Variants in RTL4 observed in about 807,000 individuals in gnomAD.
RTL4 encodes retrotransposon Gag like 4, also known as retrotransposon Gag-like protein 4.
Under a neutral mutation model 5.3 loss-of-function variants are expected in RTL4, and 4 were observed. The observed-to-expected ratio is 0.75, with a 90% CI of 0.37 to 1.72. The LOEUF (loss-of-function observed/expected upper bound fraction) is 1.72. Ranked by LOEUF, RTL4 falls within the 40% of genes most tolerant of loss-of-function variation. The pLI, the probability that RTL4 is intolerant of heterozygous loss-of-function variation, is 0.04. For synonymous variants in RTL4, 98 were observed against 87.3 expected, an observed-to-expected ratio of 1.12 and a Z score of -0.68; for missense variants, 260 against 227.1, an observed-to-expected ratio of 1.14 and a Z score of -0.93.
the RTL4 span, among the ~76,000 whole-genome samples, chrX:112,376,187 T>C: frequency 9.0e-6 from 1 of 111,709 alleles, no homozygotes; most frequent in African/African-American, 3.3e-5. Flanking sequence ...CCAAATCCAG[T>C]AGTGCTAAGG....
At chrX:112,122,267 C>T in the RTL4 span, among the ~76,000 whole-genome samples, 1 of 111,586 alleles carries the variant, frequency 9.0e-6, no homozygotes, top group Non-Finnish European at 1.9e-5. Context: ...TAATGAGATC[C>T]TGTTATTTGC....
At chrX:112,099,372 T>G in the RTL4 span, among the ~76,000 whole-genome samples, 2 of 111,373 alleles carry the variant, frequency 1.8e-5, no homozygotes, top group Non-Finnish European at 3.8e-5. Flanking sequence ...AATGACTAAT[T>G]TCTAACTCAG....
chrX:112,419,575 G>GTATATATATATATATC, the RTL4 span, among the ~76,000 whole-genome samples: 1 of 46,274 alleles, frequency 2.2e-5, no homozygotes, highest in African/African-American at 9.9e-5. Context: ...GGCCAAGGTA[G>GTATATATATATATATC]TATATATATA....
At chrX:112,116,647 G>C in the RTL4 span, among the ~76,000 whole-genome samples, 1 of 111,180 alleles carries the variant, frequency 9.0e-6, no homozygotes, top group East Asian at 2.8e-4. Flanking sequence ...GCTAGCTACA[G>C]AGCACTGATT....
upstream of RTL4, among the ~76,000 whole-genome samples, chrX:112,449,932 G>T (rs7474334): frequency 9.0e-6 from 1 of 111,421 alleles, no homozygotes; most frequent in Admixed American, 9.5e-5. Context: ...CCACACTGAG[G>T]TCTCCAGACA....
chrX:112,441,508 CAAAT>C, the RTL4 span, among the ~76,000 whole-genome samples: 16 of 111,767 alleles, frequency 1.4e-4, no homozygotes, highest in African/African-American at 5.2e-4. Flanking sequence ...ACAACACACA[CAAAT>C]AAATTTTAAA....
the RTL4 span, among the ~76,000 whole-genome samples, chrX:112,345,727 C>A: frequency 1.8e-5 from 2 of 111,164 alleles, no homozygotes; most frequent in Admixed American, 9.6e-5. Context: ...CAGCATCATC[C>A]TTATGACTTA....
At chrX:112,357,206 C>A in the RTL4 span, among the ~76,000 whole-genome samples, 1 of 109,991 alleles carries the variant, frequency 9.1e-6, no homozygotes, top group Non-Finnish European at 1.9e-5. Context: ...ACTTTCAGTA[C>A]CTCTAATCTT....
At chrX:112,144,078 A>C in the RTL4 span, among the ~76,000 whole-genome samples, 62 of 111,978 alleles carry the variant, frequency 5.5e-4, no homozygotes, top group African/African-American at 1.7e-3. Flanking sequence ...TTAATCTTAA[A>C]TATTTCCAGG....
the RTL4 span, among the ~76,000 whole-genome samples, chrX:112,192,197 T>C: frequency 9.2e-6 from 1 of 108,714 alleles, no homozygotes; most frequent in African/African-American, 3.3e-5. Context: ...GATTATGTCA[T>C]CTTTAAGTAG....
chrX:112,142,430 A>G, the RTL4 span, among the ~76,000 whole-genome samples: 1 of 112,233 alleles, frequency 8.9e-6, no homozygotes, highest in African/African-American at 3.2e-5. Flanking sequence ...GAAGGATTTA[A>G]TGGGTTGATT....
the RTL4 span, among the ~76,000 whole-genome samples, chrX:112,281,305 G>A: frequency 1.8e-5 from 2 of 111,457 alleles, no homozygotes; most frequent in Non-Finnish European, 3.8e-5. Flanking sequence ...CTATGTTTTC[G>A]CAAATGACAG....
chrX:112,185,376 A>ATATATATAT, the RTL4 span, among the ~76,000 whole-genome samples: 16 of 85,308 alleles, frequency 1.9e-4, no homozygotes, highest in Non-Finnish European at 2.5e-4. Context: ...CTATTTTATT[A>ATATATATAT]ATATATATAT....
the RTL4 span, among the ~76,000 whole-genome samples, chrX:112,294,324 C>T: frequency 3.9e-3 from 436 of 111,162 alleles, no homozygotes; most frequent in African/African-American, 0.014. Flanking sequence ...AGGCCAGGCG[C>T]GGTGGCTCAC....
At chrX:112,288,977 A>G in the RTL4 span, among the ~76,000 whole-genome samples, 1 of 111,836 alleles carries the variant, frequency 8.9e-6, no homozygotes, top group African/African-American at 3.2e-5. Flanking sequence ...TATCCCTGGT[A>G]CCTATAAAGG....
chrX:112,293,988 A>G, the RTL4 span, among the ~76,000 whole-genome samples: 1 of 112,119 alleles, frequency 8.9e-6, no homozygotes, highest in Non-Finnish European at 1.9e-5. Context: ...TAAATAAACC[A>G]GTGTTTATTT....
chrX:112,232,041 T>A, the RTL4 span, among the ~76,000 whole-genome samples: 1 of 111,918 alleles, frequency 8.9e-6, no homozygotes, highest in Non-Finnish European at 1.9e-5. Context: ...CAGAAGCTCG[T>A]GTAGATGAGC....
At chrX:112,161,889 T>TTTCTTTCTTCTTTC in the RTL4 span, among the ~76,000 whole-genome samples, 8 of 85,159 alleles carry the variant, frequency 9.4e-5, no homozygotes, top group Non-Finnish European at 1.4e-4. Context: ...TTCTTCTTTC[T>TTTCTTTCTTCTTTC]TTCTTCTTTT....
At chrX:112,197,610 G>A in the RTL4 span, among the ~76,000 whole-genome samples, 1 of 111,279 alleles carries the variant, frequency 9.0e-6, no homozygotes. Context: ...CTTTTGGAGG[G>A]CCTTTTTTTT....
Sources: gnomAD v4.1 joint callset for allele counts (sites outside exome capture counted in the v4.1 genomes callset) on GRCh38, gnomAD v4.1.1 for gene constraint, MANE v1.5 for transcripts, NCBI Gene and HGNC (gene_info 2026-07-23, HGNC 2026-07-21) for gene names.